The following DPF3 variants were observed in gnomAD, a reference collection of about 807,000 sequenced individuals.
DPF3 encodes the protein double PHD fingers 3.
DPF3 carries 18 observed loss-of-function variants against 56.8 expected under a neutral mutation model. The ratio of observed to expected loss-of-function variants is 0.32; its 90% CI spans 0.22 to 0.47. DPF3 has a LOEUF of 0.47. DPF3 is among the 20% of genes least tolerant of loss of function. The pLI is 1.00. For synonymous variants in DPF3, 188 were observed against 180.2 expected (o/e 1.04, Z -0.35); for missense variants, 403 against 488.8 (o/e 0.82, Z 1.65).
intron 1 of DPF3, among the ~76,000 whole-genome samples, chr14:72,857,647 C>T (rs189197131): frequency 6.6e-5 from 10 of 152,138 alleles, no homozygotes; most frequent in Non-Finnish European, 1.2e-4. Flanking sequence ...AGTGCAGGGG[C>T]GCAATCTCGG....
intron 3 of DPF3, among the ~76,000 whole-genome samples, chr14:72,746,877 G>C (rs567435566): frequency 3.9e-5 from 6 of 152,254 alleles, no homozygotes; most frequent in African/African-American, 1.4e-4. Flanking sequence ...GCTAGCCCTA[G>C]GTTCTTCCTT....
At chr14:72,698,060 T>C (rs1379218420) in intron 6 of DPF3, among the ~76,000 whole-genome samples, 1 of 152,232 alleles carries the variant, frequency 6.6e-6, no homozygotes, top group Non-Finnish European at 1.5e-5. Flanking sequence ...TAAGGTCTAA[T>C]CATCCCTCTG....
intron 1 of DPF3, among the ~76,000 whole-genome samples, chr14:72,879,280 G>A (rs1297356104): frequency 6.6e-6 from 1 of 152,002 alleles, no homozygotes; most frequent in Non-Finnish European, 1.5e-5. Flanking sequence ...CTACTCAGGA[G>A]GCCGAGATAG....
At chr14:72,844,993 G>A (rs144520748) in intron 1 of DPF3, among the ~76,000 whole-genome samples, 272 of 152,240 alleles carry the variant, frequency 1.8e-3, no homozygotes, top group Middle Eastern at 6.8e-3. Context: ...GGTGGCACCC[G>A]TCTGTAGTTT....
intron 5 of DPF3, among the ~76,000 whole-genome samples, chr14:72,716,139 G>A (rs1888916897): frequency 6.6e-6 from 1 of 151,790 alleles, no homozygotes; most frequent in African/African-American, 2.4e-5. Context: ...AAGGGGCTCT[G>A]GGAGACTAAA....
At chr14:72,842,806 G>A (rs927516328) in intron 1 of DPF3, among the ~76,000 whole-genome samples, 7 of 152,080 alleles carry the variant, frequency 4.6e-5, no homozygotes, top group Non-Finnish European at 8.8e-5. Context: ...GGCGGATCAC[G>A]AGGTCAGGAG....
chr14:72,846,366 C>T (rs1884758912), intron 1 of DPF3, among the ~76,000 whole-genome samples: 1 of 127,484 alleles, frequency 7.8e-6, no homozygotes, highest in South Asian at 2.8e-4. Flanking sequence ...GACGGAGTCT[C>T]ACTCTGTCGC....
intron 8 of DPF3, among the ~76,000 whole-genome samples, chr14:72,673,206 G>C (rs1886766239): frequency 6.6e-6 from 1 of 152,318 alleles, no homozygotes; most frequent in Non-Finnish European, 1.5e-5. Context: ...ACAGAGCAAG[G>C]AAAGAGCTGA....
At chr14:72,754,810 A>C (rs933730975) in intron 2 of DPF3, among the ~76,000 whole-genome samples, 1 of 152,230 alleles carries the variant, frequency 6.6e-6, no homozygotes, top group African/African-American at 2.4e-5. Context: ...AACAAAGTCA[A>C]TTATCCCAGC....
chr14:72,676,294 C>T (rs1182244620), intron 7 of DPF3, among the ~76,000 whole-genome samples: 2 of 152,136 alleles, frequency 1.3e-5, no homozygotes, highest in Non-Finnish European at 2.9e-5. Context: ...CCATATATAT[C>T]ATTCATAAAA....
At chr14:72,805,897 T>C (rs1050199435) in intron 1 of DPF3, 1 of 152,158 alleles carries the variant, frequency 6.6e-6, no homozygotes, top group African/African-American at 2.4e-5. Context: ...GGGTGTTTCC[T>C]AGCACATCTC....
At chr14:72,794,321 A>G (rs891345293) in intron 1 of DPF3, among the ~76,000 whole-genome samples, 1 of 152,200 alleles carries the variant, frequency 6.6e-6, no homozygotes, top group Admixed American at 6.5e-5. Flanking sequence ...AAGCCAGCTC[A>G]TGAGTTAACT....
rs1422525088 is a variant in DPF3, at chr14:72,859,478, C to A, written c.32+34579G>T. On this transcript the variant is annotated intron_variant, in intron 1 of 10. Transcript: ENST00000556509. ...GTTCTCTGCAGCTTCCTCCCCCCCC[C>A]CCCCCACACCATTCCCCCCTAACCT... Among the ~76,000 whole-genome samples, 155 of 109,180 alleles carry A rather than the reference C, an allele frequency of 1.4e-3. 2 individuals are homozygous for A. Among genetic ancestry groups the A allele is most frequent in the African/African-American group, 3.5e-3 (106 of 30,292 alleles). The allele number at this position is 109,180 out of a possible 152,430, so 71.6% of individuals were successfully genotyped here. A position where few individuals can be genotyped will look rare whatever the true frequency, so the allele number is the denominator to read the frequency against.
rs941389041 is a variant in DPF3 at position 72,609,256 on chromosome 14, A to G, written c.*10041T>C. On this transcript the variant is annotated 3_prime_UTR_variant, in exon 11 of 11. Coordinates refer to ENST00000556509, the MANE Select transcript of DPF3 (RefSeq NM_001280542.3). ...GCTCGATCCCCACATTCTTCATCTC[A>G]TCAGCGACAGGTCTCCCTCCCAGAA... Among the ~76,000 whole-genome samples the G allele has an allele frequency of 6.6e-6, 1 of 152,010 alleles. No individual in the cohort carries two copies. The highest frequency in any genetic ancestry group is 2.4e-5 in the African/African-American group (1 of 41,402).
chr14:72,848,632 G>A (rs932804332), intron 1 of DPF3, among the ~76,000 whole-genome samples: 20 of 152,198 alleles, frequency 1.3e-4, no homozygotes, highest in Non-Finnish European at 2.8e-4. Context: ...TTAGCTGAAT[G>A]AAAACACCAT....
At chr14:72,837,932 T>C (rs1169662720) in intron 1 of DPF3, among the ~76,000 whole-genome samples, 2 of 152,152 alleles carry the variant, frequency 1.3e-5, no homozygotes, top group Non-Finnish European at 2.9e-5. Context: ...CCCCAGATCC[T>C]TGAGTGAAGA....
intron 5 of DPF3, among the ~76,000 whole-genome samples, chr14:72,715,849 C>G (rs1352293293): frequency 6.6e-6 from 1 of 151,228 alleles, no homozygotes; most frequent in Non-Finnish European, 1.5e-5. Context: ...CTCCCCACCC[C>G]ACCCCTGCAG....
intron 1 of DPF3, among the ~76,000 whole-genome samples, chr14:72,891,738 C>A (rs1364493216): frequency 1.3e-5 from 2 of 152,128 alleles, no homozygotes; most frequent in African/African-American, 4.8e-5. Context: ...TACCCCTTTA[C>A]TCACAGGGAA....
intron 2 of DPF3, among the ~76,000 whole-genome samples, chr14:72,764,518 G>A (rs71426959): frequency 0.11 from 12,525 of 113,354 alleles, 1,015 homozygotes; most frequent in Non-Finnish European, 0.16. Context: ...TTTTTTTGAG[G>A]CGGAATGTCG....
Sources: allele counts gnomAD v4.1 joint callset (sites outside exome capture counted in the v4.1 genomes callset), GRCh38; gene constraint gnomAD v4.1.1; transcripts MANE v1.5; gene names NCBI Gene and HGNC (gene_info 2026-07-23, HGNC 2026-07-21).